Variants in PTPRD observed in about 807,000 individuals in gnomAD.
PTPRD encodes the protein protein tyrosine phosphatase receptor type D.
Under a neutral mutation model 214.5 loss-of-function variants are expected in PTPRD, and 34 were observed. The ratio of observed to expected loss-of-function variants is 0.16; its 90% confidence interval spans 0.12 to 0.21. PTPRD has a LOEUF of 0.21. Ranked by LOEUF, PTPRD falls within the 10% of genes least tolerant of loss-of-function variation. The probability of loss-of-function intolerance (pLI) is 1.00; values close to 1 mark genes in which losing one functional copy is unlikely to be tolerated. For synonymous variants in PTPRD, 1,128 were observed against 845.7 expected (o/e 1.33, Z -5.79); for missense variants, 2,545 against 2,398.7 (o/e 1.06, Z -1.27).
At chr9:8,346,200 G>C (rs569601071) in intron 39 of PTPRD, among the ~76,000 whole-genome samples, 2,522 of 50,792 alleles carry the variant, frequency 0.05, 18 homozygotes, top group Non-Finnish European at 0.16. Context: ...AAATTGTTAT[G>C]TATTCAAACT....
intron 3 of PTPRD, among the ~76,000 whole-genome samples, chr9:10,075,922 G>C (rs943172165): frequency 6.6e-6 from 1 of 152,086 alleles, no homozygotes; most frequent in African/African-American, 2.4e-5. Context: ...ATGCTTTAAA[G>C]AAGTCTTCAC....
At chr9:9,318,534 T>C (rs77682487) in intron 9 of PTPRD, among the ~76,000 whole-genome samples, 1 of 152,318 alleles carries the variant, frequency 6.6e-6, no homozygotes, top group African/African-American at 2.4e-5. Flanking sequence ...GTAATACTAC[T>C]AGCATCCAAA....
At position 8,317,439 on chromosome 9, in the gene PTPRD, A is replaced by C. The variant is rs1822760124; in HGVS notation, c.*435T>G. The C allele has an allele frequency of 4.2e-6, 1 of 238,296 alleles. No homozygotes were observed. Among genetic ancestry groups the C allele is most frequent in the African/African-American group, 2.2e-5 (1 of 45,314 alleles). The allele number at this position is 238,296 out of a possible 1,614,324, so 14.8% of individuals were successfully genotyped here. Reference sequence around the variant, plus strand: ...CCCCTAAAATGTTATTATGAGCAGTATGGTGGGAAGGGGCGATGTCAAAGC... The same window carrying C: ...CCCCTAAAATGTTATTATGAGCAGTCTGGTGGGAAGGGGCGATGTCAAAGC... On this transcript the variant is annotated 3_prime_UTR_variant, in exon 46 of 46. Transcript: ENST00000381196.
chr9:9,643,939 G>A (rs187816878), intron 7 of PTPRD, among the ~76,000 whole-genome samples: 4 of 152,230 alleles, frequency 2.6e-5, no homozygotes, highest in African/African-American at 9.6e-5. Flanking sequence ...GCATTTCAAT[G>A]TTGTACAACT....
At chr9:9,657,010 T>A (rs187479556) in intron 7 of PTPRD, among the ~76,000 whole-genome samples, 2 of 152,124 alleles carry the variant, frequency 1.3e-5, no homozygotes, top group Non-Finnish European at 2.9e-5. Context: ...TTTAGCATCA[T>A]GTTTGATGTG....
intron 2 of PTPRD, among the ~76,000 whole-genome samples, chr9:10,464,388 AAGAGAGAG>A (rs900217191): frequency 6.7e-6 from 1 of 148,576 alleles, no homozygotes; most frequent in Non-Finnish European, 1.5e-5. Flanking sequence ...GAAAGAGAGA[AAGAGAGAG>A]AGAGAGATAG....
chr9:9,344,925 G>A lies in PTPRD; in HGVS notation c.-203+52524C>T, dbSNP rs533348744. Among the ~76,000 whole-genome samples, 5 of 152,136 alleles carry A rather than the reference G, an allele frequency of 3.3e-5. No individual in the cohort carries two copies. The South Asian group carries it at 1.0e-3, about 32-fold the overall frequency. ...TTTTCAGGAATTAATTAGAAAGCCA[G>A]AGGAGTTTCTGAAAAAATGTTACTT... On this transcript the variant is annotated intron_variant, in intron 9 of 45. Transcript: ENST00000381196.
intron 35 of PTPRD, 127 bp downstream of exon 35, chr9:8,436,464 AT>A: frequency 1.5e-6 from 1 of 665,584 alleles, no homozygotes; most frequent in Non-Finnish European, 2.5e-6. Flanking sequence ...TTCATTATAC[AT>A]TTTTATATCA....
chr9:8,456,650 A>G (rs1402334790), intron 33 of PTPRD, among the ~76,000 whole-genome samples: 8 of 152,142 alleles, frequency 5.3e-5, no homozygotes, highest in Non-Finnish European at 8.8e-5. Flanking sequence ...GACTAAAGAC[A>G]CAAAGCTTGC....
intron 2 of PTPRD, among the ~76,000 whole-genome samples, chr9:10,570,575 C>A (rs1308575162): frequency 6.6e-6 from 1 of 152,158 alleles, no homozygotes; most frequent in African/African-American, 2.4e-5. Flanking sequence ...CACATACACA[C>A]ACACACACAC....
intron 7 of PTPRD, among the ~76,000 whole-genome samples, chr9:9,670,438 A>G (rs1361105782): frequency 1.3e-5 from 2 of 152,218 alleles, no homozygotes; most frequent in African/African-American, 4.8e-5. Context: ...TTTTCTGAGG[A>G]GAAATTCAAG....
chr9:8,704,573 T>C (rs183904488), intron 12 of PTPRD, among the ~76,000 whole-genome samples: 50 of 152,186 alleles, frequency 3.3e-4, no homozygotes, highest in Non-Finnish European at 1.5e-5. Flanking sequence ...TGAGGTGATG[T>C]GTATGAAAGT....
chr9:8,583,444 T>C (rs1455960606), intron 14 of PTPRD, among the ~76,000 whole-genome samples: 1 of 152,256 alleles, frequency 6.6e-6, no homozygotes, highest in East Asian at 1.9e-4. Flanking sequence ...TTCAGCCTCC[T>C]GAGTAGCTAG....
intron 12 of PTPRD, among the ~76,000 whole-genome samples, chr9:8,723,345 T>A (rs548291475): frequency 6.6e-6 from 1 of 152,124 alleles, no homozygotes; most frequent in Non-Finnish European, 1.5e-5. Context: ...CCAAGACCTA[T>A]CCTCTCCCTT....
intron 14 of PTPRD, among the ~76,000 whole-genome samples, chr9:8,598,188 T>C (rs1004144782): frequency 6.6e-6 from 1 of 152,114 alleles, no homozygotes; most frequent in Non-Finnish European, 1.5e-5. Flanking sequence ...AGATTATTGT[T>C]CAAAAATAGC....
chr9:8,775,553 G>A (rs2095437382), intron 11 of PTPRD, among the ~76,000 whole-genome samples: 2 of 149,958 alleles, frequency 1.3e-5, no homozygotes, highest in African/African-American at 2.5e-5. Flanking sequence ...TTAGTCACAT[G>A]TACTTTCTAT....
intron 3 of PTPRD, among the ~76,000 whole-genome samples, chr9:10,114,231 T>C (rs889339633): frequency 2.0e-5 from 3 of 151,990 alleles, no homozygotes; most frequent in African/African-American, 7.3e-5. Context: ...CTTTATAGAG[T>C]TGTTAGGATA....
At chr9:10,161,433 A>C (rs1048522670) in intron 3 of PTPRD, among the ~76,000 whole-genome samples, 2 of 151,868 alleles carry the variant, frequency 1.3e-5, no homozygotes, top group Non-Finnish European at 2.9e-5. Context: ...AAAGGTACCA[A>C]GAACTTACAG....
chr9:10,590,744 T>C (rs1301257126), intron 2 of PTPRD, among the ~76,000 whole-genome samples: 1 of 151,864 alleles, frequency 6.6e-6, no homozygotes. Context: ...TCTCCTCCTC[T>C]ATACAGGCAC....
Sources: gnomAD v4.1 joint callset for allele counts (sites outside exome capture counted in the v4.1 genomes callset) on GRCh38, gnomAD v4.1.1 for gene constraint, MANE v1.5 for transcripts, NCBI Gene and HGNC (gene_info 2026-07-23, HGNC 2026-07-21) for gene names.